Variants in ANAPC11 observed in about 807,000 individuals in gnomAD.
ANAPC11 encodes anaphase promoting complex subunit 11, also known as anaphase-promoting complex subunit 11.
ANAPC11 carries 5 observed loss-of-function variants against 11.8 expected under a neutral mutation model. The ratio of observed to expected loss-of-function variants is 0.42; its 90% CI spans 0.22 to 0.89. ANAPC11 has a LOEUF of 0.89. ANAPC11 is among the 40% of genes least tolerant of loss of function. ANAPC11 has a pLI of 0.28. For synonymous variants in ANAPC11, 45 were observed against 41.0 expected (o/e 1.10, Z -0.38); for missense variants, 68 against 112.9 (o/e 0.60, Z 1.80).
chr17:81,892,637 G>C (rs529713522), intron 1 of ANAPC11, among the ~76,000 whole-genome samples: 2 of 142,416 alleles, frequency 1.4e-5, no homozygotes, highest in African/African-American at 5.8e-5. Flanking sequence ...AGTCTCCAGC[G>C]GCAGCCTCCC....
intron 3 of ANAPC11, among the ~76,000 whole-genome samples, chr17:81,897,445 T>G (rs944318240): frequency 4.6e-5 from 7 of 152,050 alleles, no homozygotes; most frequent in Admixed American, 4.6e-4. Context: ...TGTCTTTGCT[T>G]CTTAAGGTGA....
rs150002435 is a variant in ANAPC11, at chr17:81,894,460, G to C, written c.-11-7G>C. 1.3e-6 allele frequency: 2 copies of C among 1,583,606 alleles called. No homozygotes were observed. The highest frequency in any genetic ancestry group is 2.3e-5 in the East Asian group (1 of 44,396). ...TTTAGCCAGTCGTCCTGTTCCCTCC[G>C]CCGCAGGCTCTGCTGCCATGAAGGT... On this transcript the variant is annotated splice_region_variant and splice_polypyrimidine_tract_variant and intron_variant, in intron 2 of 3. Transcript: ENST00000344877.
chr17:81,899,689 G>T lies in ANAPC11; in HGVS notation c.110-231G>T, dbSNP rs760104035. 9.3e-6 allele frequency: 10 copies of T among 1,074,286 alleles called. No homozygotes were observed. In the Admixed American group the frequency reaches 2.5e-4, roughly 27 times the overall value. The allele number at this position is 1,074,286 out of a possible 1,614,324, so 66.5% of individuals were successfully genotyped here. A position where few individuals can be genotyped will look rare whatever the true frequency, so the allele number is the denominator to read the frequency against. The stretch of plus-strand genomic sequence containing the variant: ...GGGAGGCGCCTGCTGCGGTTGCCCC[G>T]GGTGGAGGCCGCATGTCCGGTGTCC... On this transcript the variant is annotated intron_variant, in intron 3 of 3. Transcript: ENST00000344877.
upstream of ANAPC11, chr17:81,891,395 G>A (rs2039526707): frequency 2.2e-5 from 24 of 1,093,074 alleles, no homozygotes; most frequent in Non-Finnish European, 2.6e-5. Context: ...GCCGGTTCCG[G>A]ATGGGCCCGC....
chr17:81,899,099 G>A (rs1382070355), intron 3 of ANAPC11: 2 of 910,902 alleles, frequency 2.2e-6, no homozygotes, highest in African/African-American at 3.4e-5. Flanking sequence ...ACAATGCCAG[G>A]CCGACCCTGC....
chr17:81,894,899 G>A, intron 3 of ANAPC11: 1 of 282,466 alleles, frequency 3.5e-6, no homozygotes, highest in Non-Finnish European at 6.5e-6. Context: ...TTTATTTTTA[G>A]TAGAGACGGG....
rs150653276 is a variant in ANAPC11 at position 81,896,488 on chromosome 17, C to T, written c.109+1902C>T. ...GGTTGAAAGCAGAGTTTTGCATCAGCGAAATGGTTTTTCATGAGACCGAAA... is the reference window on the plus strand; with the variant it reads ...GGTTGAAAGCAGAGTTTTGCATCAGTGAAATGGTTTTTCATGAGACCGAAA... On this transcript the variant is annotated intron_variant, in intron 3 of 3. Coordinates refer to ENST00000344877, the MANE Select transcript of ANAPC11 (RefSeq NM_001002248.3). Among the ~76,000 whole-genome samples, 331 of 152,144 alleles carry T rather than the reference C, an allele frequency of 2.2e-3. 2 individuals are homozygous for T. Among genetic ancestry groups the T allele is most frequent in the African/African-American group, 7.7e-3 (320 of 41,502 alleles).
chr17:81,890,930 C>T, upstream of ANAPC11: 1 of 1,501,682 alleles, frequency 6.7e-7, no homozygotes, highest in Non-Finnish European at 9.0e-7. Context: ...AGGATCCGGC[C>T]GAAACGGGGC....
At chr17:81,898,876 G>T in intron 3 of ANAPC11, 1 of 289,330 alleles carries the variant, frequency 3.5e-6, no homozygotes, top group Non-Finnish European at 6.5e-6. Context: ...TGACACCTTT[G>T]ACTAAACGAG....
Position 81,899,960 on chromosome 17 carries a change from G to A in ANAPC11, c.150G>A (p.Gln50=). ...PGDDCPLVWG[Q]CSHCFHMHCI... ...ACGACTGCCCGCTGGTGTGGGGCCA[G>A]TGCTCCCACTGCTTCCACATGCATT... is the stretch of plus-strand genomic sequence containing the variant. Residue 50 remains glutamine (Q), a synonymous_variant, in exon 4 of 4, where the codon CAG becomes CAA. Transcript: ENST00000344877. 6.8e-6 allele frequency: 11 copies of A among 1,612,764 alleles called. No individual in the cohort carries two copies. The highest frequency in any genetic ancestry group is 8.5e-6 in the Non-Finnish European group (10 of 1,179,666).
intron 3 of ANAPC11, chr17:81,898,698 C>T (rs939170214): frequency 6.5e-6 from 1 of 154,402 alleles, no homozygotes; most frequent in African/African-American, 2.4e-5. Flanking sequence ...GAGTCCATCC[C>T]GCATCCCAGG....
chr17:81,899,447 A>G (rs752176567), intron 3 of ANAPC11: 4 of 1,613,914 alleles, frequency 2.5e-6, no homozygotes, highest in Non-Finnish European at 3.4e-6. Flanking sequence ...AGACCAGTTC[A>G]CTACTCAGAT....
chr17:81,891,264 C>G, upstream of ANAPC11: 1 of 1,092,290 alleles, frequency 9.2e-7, no homozygotes, highest in Non-Finnish European at 1.1e-6. Flanking sequence ...CGAGCGGCCC[C>G]GGCCCCAGCC....
downstream of ANAPC11, chr17:81,900,275 T>C: frequency 5.7e-6 from 4 of 698,644 alleles, no homozygotes; most frequent in Non-Finnish European, 9.3e-6. Context: ...TCTGGGTGCC[T>C]GTGTTCTCGG....
At chr17:81,895,288 T>G (rs2039700690) in intron 3 of ANAPC11, among the ~76,000 whole-genome samples, 1 of 151,978 alleles carries the variant, frequency 6.6e-6, no homozygotes, top group South Asian at 2.1e-4. Flanking sequence ...CAACCTCAGG[T>G]GATCCACCCG....
upstream of ANAPC11, chr17:81,891,128 G>A (rs571253727): frequency 9.8e-6 from 6 of 610,932 alleles, no homozygotes; most frequent in South Asian, 2.7e-5. Flanking sequence ...CTCAGCCTCC[G>A]GGACCGGACC....
intron 1 of ANAPC11, among the ~76,000 whole-genome samples, chr17:81,892,823 C>T (rs927424094): frequency 6.6e-6 from 1 of 151,608 alleles, no homozygotes; most frequent in African/African-American, 2.4e-5. Context: ...ACACCCAGCC[C>T]ATTTCATGGA....
intron 1 of ANAPC11, among the ~76,000 whole-genome samples, chr17:81,892,626 G>C (rs576948907): frequency 1.4e-5 from 2 of 142,986 alleles, no homozygotes; most frequent in African/African-American, 5.8e-5. Context: ...GGGTTCAAGC[G>C]AGTCTCCAGC....
intron 2 of ANAPC11, 141 bp downstream of exon 2, chr17:81,893,755 C>CA (rs1555609756): frequency 2.3e-4 from 28 of 123,802 alleles, no homozygotes; most frequent in Non-Finnish European, 3.8e-4. Context: ...CTTTTTTTTC[C>CA]TTTTTTTTTT....
Sources: gnomAD v4.1 joint callset for allele counts (sites outside exome capture counted in the v4.1 genomes callset) on GRCh38, gnomAD v4.1.1 for gene constraint, MANE v1.5 for transcripts, NCBI Gene and HGNC (gene_info 2026-07-23, HGNC 2026-07-21) for gene names.